Variants in SP100 observed in about 807,000 individuals in gnomAD.
SP100 encodes SP100 nuclear body protein.
A neutral mutation model predicts 130.0 loss-of-function variants in SP100; 84 were observed. The ratio of observed to expected loss-of-function variants is 0.65; its 90% CI spans 0.54 to 0.77. The LOEUF (loss-of-function observed/expected upper bound fraction) is 0.77, where lower values mean the gene tolerates loss of function less well. SP100 is among the 30% of genes least tolerant of loss of function. The pLI, the probability that SP100 is intolerant of heterozygous loss-of-function variation, is 0.00. For synonymous variants in SP100, 331 were observed against 351.7 expected (o/e 0.94, Z 0.66); for missense variants, 978 against 1,052.2 (o/e 0.93, Z 0.97).
At chr2:230,432,551 T>A (rs767288593) in intron 2 of SP100, among the ~76,000 whole-genome samples, 4 of 152,224 alleles carry the variant, frequency 2.6e-5, no homozygotes, top group Non-Finnish European at 5.9e-5. Context: ...GTCATTCCAG[T>A]GAATATATTT....
intron 2 of SP100, among the ~76,000 whole-genome samples, chr2:230,425,012 T>C (rs543368592): frequency 1.3e-5 from 2 of 152,192 alleles, no homozygotes; most frequent in Non-Finnish European, 2.9e-5. Flanking sequence ...ACCTTTCTTT[T>C]GGTGTTATTG....
chr2:230,519,257 C>T (rs1320719236), intron 24 of SP100, among the ~76,000 whole-genome samples: 1 of 152,130 alleles, frequency 6.6e-6, no homozygotes, highest in African/African-American at 2.4e-5. Flanking sequence ...TTTACTTCCA[C>T]TTTAATGGGG....
At chr2:230,502,023 C>A (rs1290212205) in intron 19 of SP100, among the ~76,000 whole-genome samples, 3 of 151,162 alleles carry the variant, frequency 2.0e-5, no homozygotes, top group Admixed American at 6.6e-5. Context: ...CACATACCAC[C>A]ACACCCAGCT....
intron 24 of SP100, among the ~76,000 whole-genome samples, chr2:230,532,628 C>A (rs1559537953): frequency 6.6e-6 from 1 of 151,908 alleles, no homozygotes; most frequent in Non-Finnish European, 1.5e-5. Context: ...AACAAAATAT[C>A]CACAAGTGTT....
At chr2:230,522,320 G>A (rs1024205213) in intron 24 of SP100, among the ~76,000 whole-genome samples, 18 of 152,020 alleles carry the variant, frequency 1.2e-4, no homozygotes, top group African/African-American at 4.4e-4. Context: ...TCATAATACT[G>A]TTTAGCCCCA....
At chr2:230,417,796 A>C in intron 2 of SP100, 131 bp downstream of exon 2, 1 of 1,371,474 alleles carries the variant, frequency 7.3e-7, no homozygotes, top group Non-Finnish European at 9.6e-7. Context: ...TTTTGCCAAT[A>C]TGATTCCGTT....
In SP100 at chr2:230,544,783, A is replaced by G. The variant is rs1692267813; in HGVS notation, c.*1837A>G. Among the ~76,000 whole-genome samples, 1 of 152,202 alleles carries G rather than the reference A, an allele frequency of 6.6e-6. No homozygotes were observed. The highest frequency in any genetic ancestry group is 2.1e-4 in the South Asian group (1 of 4,830). ...GGCATCAGCCACCATGCCCGGATGA[A>G]AAGACACTTTCCAAAAGAAGATACA... On this transcript the variant is annotated 3_prime_UTR_variant, in exon 29 of 29. Transcript: ENST00000340126.
At chr2:230,539,530 G>A in intron 25 of SP100, 148 bp downstream of exon 25, 1 of 605,480 alleles carries the variant, frequency 1.7e-6, no homozygotes, top group Non-Finnish European at 3.0e-6. Flanking sequence ...AGATCCACAA[G>A]TATTATCCAG....
At chr2:230,449,516 C>G (rs1374438544) in intron 6 of SP100, 45 bp from the exon 7 acceptor site, 28 of 1,608,824 alleles carry the variant, frequency 1.7e-5, no homozygotes, top group Non-Finnish European at 2.4e-5. Flanking sequence ...GAGTGACAGG[C>G]AGCAGAGGGC....
Position 230,473,449 on chromosome 2 carries a change from A to C in SP100, c.1546+9A>C. ...AGCATCTGACATGATGGGTAAGGCT[A>C]CCCTAGGGTCTTGGGATGGAAGTGG... On this transcript the variant is annotated intron_variant, in intron 16 of 28. Coordinates refer to ENST00000340126, the MANE Select transcript of SP100 (RefSeq NM_001080391.2). 1 of 1,553,564 alleles carries C rather than the reference A, an allele frequency of 6.4e-7. No homozygotes were observed. The highest frequency in any genetic ancestry group is 1.4e-5 in the African/African-American group (1 of 73,906).
intron 24 of SP100, among the ~76,000 whole-genome samples, chr2:230,526,272 G>T (rs993208068): frequency 1.3e-5 from 2 of 152,260 alleles, no homozygotes; most frequent in South Asian, 2.1e-4. Flanking sequence ...AGGCAAACAG[G>T]GTCTGGAGTG....
chr2:230,437,531 T>G (rs548801462), intron 2 of SP100, among the ~76,000 whole-genome samples: 26 of 152,098 alleles, frequency 1.7e-4, no homozygotes, highest in Non-Finnish European at 3.2e-4. Flanking sequence ...GAAATATGTG[T>G]TCTCTGTTTT....
In SP100 at chr2:230,539,365, A is replaced by T. The variant is rs772847324; in HGVS notation, c.2193A>T (p.Pro731=). 1 of 1,613,352 alleles carries T rather than the reference A, an allele frequency of 6.2e-7. No individual in the cohort carries two copies. The highest frequency in any genetic ancestry group is 8.5e-7 in the Non-Finnish European group (1 of 1,179,400). The change falls in exon 25 of 29, where the codon CCA becomes CCT. Residue 731 remains proline, a synonymous_variant. Transcript: ENST00000340126. The part of the protein sequence containing the change: ...PRSFHEHCHI[P]SVEANKNPWS... ...CCTTTCATGAGCACTGCCACATCCC[A>T]TCCGTGGAAGCTAACAAGTGAGTAA...
At chr2:230,524,873 T>G (rs913035920) in intron 24 of SP100, among the ~76,000 whole-genome samples, 4 of 152,214 alleles carry the variant, frequency 2.6e-5, no homozygotes, top group African/African-American at 9.6e-5. Flanking sequence ...CTAGTTAATA[T>G]GTAATTCTGT....
At chr2:230,492,409 A>G (rs2066435480) in intron 17 of SP100, among the ~76,000 whole-genome samples, 1 of 152,242 alleles carries the variant, frequency 6.6e-6, no homozygotes, top group South Asian at 2.1e-4. Flanking sequence ...GGCTCCAGTG[A>G]TCCTCTTACC....
At chr2:230,451,682 G>T (rs2063993721) in intron 8 of SP100, among the ~76,000 whole-genome samples, 1 of 152,286 alleles carries the variant, frequency 6.6e-6, no homozygotes, top group East Asian at 1.9e-4. Context: ...TTGTGATTGT[G>T]CTTCTGGTGT....
intron 17 of SP100, among the ~76,000 whole-genome samples, chr2:230,491,855 T>C (rs990656085): frequency 2.6e-5 from 4 of 152,214 alleles, no homozygotes; most frequent in African/African-American, 9.6e-5. Context: ...TTCTAGCCAA[T>C]GGCATATAAG....
At chr2:230,525,190 C>T (rs114334025) in intron 24 of SP100, among the ~76,000 whole-genome samples, 1,842 of 152,100 alleles carry the variant, frequency 0.012, 27 homozygotes, top group African/African-American at 0.04. Context: ...AAATTTAGGA[C>T]AAAACAGAAA....
chr2:230,438,682 CACACAT>C (rs1243148605), intron 2 of SP100, among the ~76,000 whole-genome samples: 5 of 150,968 alleles, frequency 3.3e-5, no homozygotes, highest in African/African-American at 1.2e-4. Flanking sequence ...CACACACACA[CACACAT>C]ATGGTATATA....
Sources: allele counts gnomAD v4.1 joint callset (sites outside exome capture counted in the v4.1 genomes callset), GRCh38; gene constraint gnomAD v4.1.1; transcripts MANE v1.5; gene names NCBI Gene and HGNC (gene_info 2026-07-23, HGNC 2026-07-21).